The following MAMDC2 variants were observed in gnomAD, a reference collection of about 807,000 sequenced individuals.
The protein encoded by MAMDC2 is MAM domain-containing protein 2.
MAMDC2 carries 57 observed loss-of-function variants against 89.8 expected under a neutral mutation model. That is an observed-to-expected ratio of 0.63 (90% CI 0.51 to 0.79). The LOEUF (loss-of-function observed/expected upper bound fraction) is 0.79, where lower values mean the gene tolerates loss of function less well. Ranked by LOEUF, MAMDC2 falls within the 30% of genes least tolerant of loss-of-function variation. The probability of loss-of-function intolerance (pLI) is 0.00; values close to 1 mark genes in which losing one functional copy is unlikely to be tolerated. For missense variants in MAMDC2, 800 were observed against 820.6 expected, an observed-to-expected ratio of 0.97 and a Z score of 0.31; for synonymous variants, 313 against 293.4, an observed-to-expected ratio of 1.07 and a Z score of -0.68.
At chr9:70,216,219 T>C (rs1007396974) in intron 11 of MAMDC2, 9 of 152,198 alleles carry the variant, frequency 5.9e-5, no homozygotes, top group Non-Finnish European at 1.0e-4. Context: ...TTGGCAAATG[T>C]TGGTGTTTGC....
intron 2 of MAMDC2, among the ~76,000 whole-genome samples, chr9:70,045,922 A>T (rs903828515): frequency 6.6e-6 from 1 of 152,174 alleles, no homozygotes; most frequent in African/African-American, 2.4e-5. Context: ...ACTACAGTCT[A>T]CTTAGGGGTG....
At chr9:70,131,447 T>A (rs1227040319) in intron 6 of MAMDC2, 72 bp from the exon 7 acceptor site, 15 of 1,009,142 alleles carry the variant, frequency 1.5e-5, no homozygotes, top group Admixed American at 5.0e-5. Context: ...CATGTCATTT[T>A]AAATCATTAA....
intron 4 of MAMDC2, among the ~76,000 whole-genome samples, chr9:70,111,910 G>A (rs2997713): frequency 0.033 from 5,016 of 152,314 alleles, 268 homozygotes; most frequent in African/African-American, 0.11. Flanking sequence ...CAAGGGAGGA[G>A]GAGTTTCCAG....
chr9:70,183,060 T>A (rs148437828), intron 11 of MAMDC2, among the ~76,000 whole-genome samples: 286 of 152,326 alleles, frequency 1.9e-3, no homozygotes, highest in African/African-American at 6.6e-3. Context: ...TTTGTTCTCA[T>A]TGGTTTCAAA....
At chr9:70,200,409 A>G (rs1369712348) in intron 11 of MAMDC2, among the ~76,000 whole-genome samples, 1 of 148,434 alleles carries the variant, frequency 6.7e-6, no homozygotes, top group Non-Finnish European at 1.5e-5. Flanking sequence ...CCATTGATCT[A>G]TATCTCTGTT....
chr9:70,218,542 G>A lies in MAMDC2; in HGVS notation c.1857G>A (p.Gln619=), dbSNP rs199524577. 5.4e-5 allele frequency: 87 copies of A among 1,614,064 alleles called. No individual in the cohort carries two copies. Among genetic ancestry groups the A allele is most frequent in the Middle Eastern group, 1.6e-4 (1 of 6,084 alleles). ...ESLLWRRRGE[Q]SISWLRALIE... is the part of the protein sequence containing the mutation. Reference sequence around the variant, plus strand: ...TCTTATGGAGGAGAAGAGGTGAACAGAGCATTTCCTGGCTACGAGCACTGA... The same window carrying A: ...TCTTATGGAGGAGAAGAGGTGAACAAAGCATTTCCTGGCTACGAGCACTGA... Residue 619 remains glutamine, a synonymous_variant, in exon 12 of 14, where the codon CAG becomes CAA. Transcript: ENST00000377182.
intron 11 of MAMDC2, among the ~76,000 whole-genome samples, chr9:70,194,737 A>G (rs183362795): frequency 5.8e-4 from 89 of 152,280 alleles, no homozygotes; most frequent in African/African-American, 1.9e-3. Context: ...TATTTTTACA[A>G]TTAGTGAATC....
chr9:70,218,428 CTGCT>C lies in MAMDC2; in HGVS notation c.1746_1749del (p.Cys582Ter). On this transcript the variant is annotated frameshift_variant, in exon 12 of 14. Coordinates refer to ENST00000377182, the MANE Select transcript of MAMDC2 (RefSeq NM_153267.5). LOFTEE classifies it high-confidence loss of function. ...CTCTGCGAGGAGTCTCTGGAAAACA[CTGCT>C]TGACCTTTTTCTACCACATGTATGG... 6.2e-7 allele frequency: 1 copy of C among 1,614,192 alleles called. No individual in the cohort carries two copies. Among genetic ancestry groups the C allele is most frequent in the Non-Finnish European group, 8.5e-7 (1 of 1,180,024 alleles).
intron 7 of MAMDC2, among the ~76,000 whole-genome samples, chr9:70,135,202 T>A (rs1446879242): frequency 6.6e-6 from 1 of 152,250 alleles, no homozygotes; most frequent in Non-Finnish European, 1.5e-5. Flanking sequence ...TAGTTCTTTT[T>A]TCTTTTTTTC....
intron 2 of MAMDC2, among the ~76,000 whole-genome samples, chr9:70,104,783 G>T (rs1456588661): frequency 6.6e-6 from 1 of 152,156 alleles, no homozygotes; most frequent in South Asian, 2.1e-4. Context: ...GATGCTAGGG[G>T]TGGGGAGAAT....
intron 9 of MAMDC2, among the ~76,000 whole-genome samples, chr9:70,152,207 T>C (rs977896404): frequency 2.0e-5 from 3 of 152,256 alleles, no homozygotes; most frequent in African/African-American, 7.2e-5. Flanking sequence ...GACAATGGGC[T>C]GCTTATTAAT....
chr9:70,130,392 C>T (rs1229380783), intron 6 of MAMDC2, among the ~76,000 whole-genome samples: 4 of 152,148 alleles, frequency 2.6e-5, no homozygotes, highest in African/African-American at 9.7e-5. Context: ...CTTGCCTGGA[C>T]TTTGTAGGCA....
intron 11 of MAMDC2, among the ~76,000 whole-genome samples, chr9:70,190,726 C>T (rs974944771): frequency 6.6e-6 from 1 of 152,090 alleles, no homozygotes; most frequent in Non-Finnish European, 1.5e-5. Context: ...GTCAATGCCA[C>T]CTCAGGCAGC....
intron 2 of MAMDC2, among the ~76,000 whole-genome samples, chr9:70,063,554 C>T (rs1261084825): frequency 1.3e-5 from 2 of 152,092 alleles, no homozygotes; most frequent in African/African-American, 4.8e-5. Flanking sequence ...ACGTTATTTA[C>T]TACTCTATTT....
chr9:70,138,480 C>T (rs2031083520), intron 7 of MAMDC2, among the ~76,000 whole-genome samples: 1 of 152,134 alleles, frequency 6.6e-6, no homozygotes, highest in Non-Finnish European at 1.5e-5. Context: ...GAGAAATCTC[C>T]ACACTGTTTT....
intron 11 of MAMDC2, among the ~76,000 whole-genome samples, chr9:70,211,416 A>G (rs958803635): frequency 6.6e-6 from 1 of 152,152 alleles, no homozygotes; most frequent in Non-Finnish European, 1.5e-5. Flanking sequence ...ATTTCATCGA[A>G]TCAGCTACTG....
rs1828392500 is a variant in MAMDC2, at chr9:70,108,204, T to C, written c.149-7T>C. 6.4e-7 allele frequency: 1 copy of C among 1,551,326 alleles called. No individual in the cohort carries two copies. The highest frequency in any genetic ancestry group is 1.4e-5 in the African/African-American group (1 of 71,888). On this transcript the variant is annotated splice_region_variant and splice_polypyrimidine_tract_variant and intron_variant, in intron 2 of 13. Transcript: ENST00000377182. ...GATCCTTTTCCTATGTTCCTTTCTC[T>C]TTCCAGGCCATTACATTTATGTGGA...
At chr9:70,204,743 G>A (rs977043073) in intron 11 of MAMDC2, among the ~76,000 whole-genome samples, 2 of 152,138 alleles carry the variant, frequency 1.3e-5, no homozygotes, top group South Asian at 2.1e-4. Context: ...GCCAGGTGTG[G>A]GATATAGTCT....
At chr9:70,203,039 C>A (rs1309360362) in intron 11 of MAMDC2, among the ~76,000 whole-genome samples, 2 of 152,148 alleles carry the variant, frequency 1.3e-5, no homozygotes, top group Admixed American at 1.3e-4. Context: ...TTAATTGGAG[C>A]ATTTAGCCCA....
Sources: allele counts gnomAD v4.1 joint callset (sites outside exome capture counted in the v4.1 genomes callset), GRCh38; gene constraint gnomAD v4.1.1; transcripts MANE v1.5; gene names NCBI Gene and HGNC (gene_info 2026-07-23, HGNC 2026-07-21).